Variants in PTPRG observed in about 807,000 individuals in gnomAD.
The protein encoded by PTPRG is receptor-type tyrosine-protein phosphatase gamma.
In PTPRG, 102 loss-of-function variants were observed where a neutral mutation model predicts 165.3. The observed-to-expected ratio is 0.62, with a 90% CI of 0.53 to 0.73. The LOEUF (loss-of-function observed/expected upper bound fraction) is 0.73. Ranked by LOEUF, PTPRG falls within the 30% of genes least tolerant of loss-of-function variation. PTPRG has a pLI of 0.00. For synonymous variants in PTPRG, 675 were observed against 669.5 expected (o/e 1.01, Z -0.13); for missense variants, 1,866 against 1,861.4 (o/e 1.00, Z -0.05).
intron 1 of PTPRG, among the ~76,000 whole-genome samples, chr3:61,611,139 GA>G (rs1701155876): frequency 6.6e-6 from 1 of 152,130 alleles, no homozygotes; most frequent in Admixed American, 6.5e-5. Context: ...GCAAGTTTTT[GA>G]ACAGAGATCC....
At chr3:62,276,638 G>T in intron 24 of PTPRG, 1 of 258,024 alleles carries the variant, frequency 3.9e-6, no homozygotes, top group East Asian at 8.3e-5. Flanking sequence ...GTATATGTTG[G>T]TATAATTGTA....
At chr3:61,666,132 A>G (rs901947561) in intron 1 of PTPRG, among the ~76,000 whole-genome samples, 8 of 152,190 alleles carry the variant, frequency 5.3e-5, no homozygotes, top group South Asian at 4.1e-4. Flanking sequence ...TAAAGGAGAA[A>G]GAGTTGCAGA....
chr3:61,799,154 A>G (rs768066722), intron 2 of PTPRG, among the ~76,000 whole-genome samples: 2 of 152,216 alleles, frequency 1.3e-5, no homozygotes, highest in Non-Finnish European at 2.9e-5. Context: ...TTCCAATAGT[A>G]GTATGAAATT....
chr3:61,922,904 G>T (rs1418988749), intron 2 of PTPRG, among the ~76,000 whole-genome samples: 2 of 152,214 alleles, frequency 1.3e-5, no homozygotes, highest in East Asian at 3.9e-4. Flanking sequence ...GCCTCGCAAA[G>T]TGTTGGGGTT....
intron 17 of PTPRG, among the ~76,000 whole-genome samples, chr3:62,265,894 T>TACACAC (rs1250968284): frequency 4.2e-4 from 11 of 26,476 alleles, no homozygotes; most frequent in African/African-American, 1.2e-3. Flanking sequence ...CTGTGCCTTA[T>TACACAC]ATACACACAC....
At chr3:62,251,363 T>C (rs1701413892) in intron 15 of PTPRG, among the ~76,000 whole-genome samples, 1 of 145,958 alleles carries the variant, frequency 6.9e-6, no homozygotes, top group African/African-American at 2.6e-5. Context: ...CTACAAAAAA[T>C]GTAAGCCAGG....
chr3:62,047,591 G>A (rs1429155228), intron 4 of PTPRG, among the ~76,000 whole-genome samples: 1 of 151,960 alleles, frequency 6.6e-6, no homozygotes, highest in Admixed American at 6.6e-5. Context: ...ATTGTATCCT[G>A]GAATGCCTTG....
At chr3:62,107,705 C>T (rs991986429) in intron 5 of PTPRG, among the ~76,000 whole-genome samples, 10 of 152,190 alleles carry the variant, frequency 6.6e-5, no homozygotes, top group African/African-American at 2.4e-4. Flanking sequence ...GAAAACTAAC[C>T]AGAGTCACGG....
intron 1 of PTPRG, among the ~76,000 whole-genome samples, chr3:61,682,033 C>T (rs1478688865): frequency 1.3e-5 from 2 of 151,222 alleles, no homozygotes; most frequent in Non-Finnish European, 2.9e-5. Flanking sequence ...CCTGTAATCC[C>T]AACTATATGG....
intron 2 of PTPRG, among the ~76,000 whole-genome samples, chr3:61,921,103 CTCCTTCCATCCATCTCCTTCCT>C (rs1024994151): frequency 4.1e-5 from 6 of 146,672 alleles, no homozygotes; most frequent in East Asian, 2.1e-4. Flanking sequence ...TTCCATCCAT[CTCCTTCCATCCATCTCCTTCCT>C]TCCTTCCTTC....
At chr3:61,801,845 C>T (rs974685986) in intron 2 of PTPRG, among the ~76,000 whole-genome samples, 5 of 152,086 alleles carry the variant, frequency 3.3e-5, no homozygotes, top group African/African-American at 1.2e-4. Context: ...TGGTGAAACT[C>T]CGGCTCTACT....
chr3:62,076,923 A>G (rs1008716586), intron 4 of PTPRG, among the ~76,000 whole-genome samples: 1 of 152,182 alleles, frequency 6.6e-6, no homozygotes, highest in South Asian at 2.1e-4. Context: ...TGCCAGCATT[A>G]AAGTTGTATA....
chr3:61,643,895 G>A lies in PTPRG; in HGVS notation c.85+81523G>A, dbSNP rs776521376. ...AATTGGATTCTTATAGATGAACTAG[G>A]ATACCCTTTTCATTCTGAGTTGACC... On this transcript the variant is annotated intron_variant, in intron 1 of 29. Coordinates refer to ENST00000474889, the MANE Select transcript of PTPRG (RefSeq NM_002841.4). 4.6e-5 allele frequency among the ~76,000 whole-genome samples: 7 copies of A among 152,306 alleles called. No homozygotes were observed. The East Asian group carries it at 1.3e-3, about 29-fold the overall frequency.
At chr3:61,603,130 TG>T (rs1288941471) in intron 1 of PTPRG, among the ~76,000 whole-genome samples, 1 of 152,234 alleles carries the variant, frequency 6.6e-6, no homozygotes, top group Non-Finnish European at 1.5e-5. Context: ...TCAGCCACCC[TG>T]CTGGAACTGG....
intron 2 of PTPRG, among the ~76,000 whole-genome samples, chr3:61,856,920 A>G (rs79095381): frequency 0.01 from 1,557 of 152,312 alleles, 11 homozygotes; most frequent in Non-Finnish European, 0.017. Context: ...GTACTGCTAT[A>G]TGATGTCTTG....
chr3:62,012,628 C>T lies in PTPRG; in HGVS notation c.519+9131C>T, dbSNP rs547700941. 3.9e-5 allele frequency among the ~76,000 whole-genome samples: 6 copies of T among 152,074 alleles called. No individual in the cohort carries two copies. In the East Asian group the frequency reaches 7.7e-4, roughly 20 times the overall value. ...GTTTTAAATAATTTTATGGATGAAA[C>T]AAAGTTGTGAGTGCATTTTCATTGC... is the stretch of plus-strand genomic sequence containing the variant. On this transcript the variant is annotated intron_variant, in intron 4 of 29. Coordinates refer to ENST00000474889, the MANE Select transcript of PTPRG (RefSeq NM_002841.4).
At chr3:61,625,138 C>T (rs558904436) in intron 1 of PTPRG, among the ~76,000 whole-genome samples, 28 of 151,760 alleles carry the variant, frequency 1.8e-4, no homozygotes, top group Admixed American at 4.6e-4. Flanking sequence ...CTCATTTTAA[C>T]TTGATTACCT....
rs1052034686 is a variant in PTPRG, at chr3:61,835,553, C to G, written c.190+86571C>G. Among the ~76,000 whole-genome samples, 3 of 151,824 alleles carry G rather than the reference C, an allele frequency of 2.0e-5. No homozygotes were observed. The South Asian group carries it at 6.2e-4, about 32-fold the overall frequency. ...TTCACCATGTTGGCCAGGCTGGGCT[C>G]GAACTCTTGACCTTGTGATCCAGCC... On this transcript the variant is annotated intron_variant, in intron 2 of 29. Transcript: ENST00000474889.
At chr3:62,216,483 G>A (rs1178039020) in intron 12 of PTPRG, among the ~76,000 whole-genome samples, 1 of 152,082 alleles carries the variant, frequency 6.6e-6, no homozygotes, top group Admixed American at 6.5e-5. Flanking sequence ...GTGGCCTATA[G>A]CGTCAACCCT....
Sources: gnomAD v4.1 joint callset for allele counts (sites outside exome capture counted in the v4.1 genomes callset) on GRCh38, gnomAD v4.1.1 for gene constraint, MANE v1.5 for transcripts, NCBI Gene and HGNC (gene_info 2026-07-23, HGNC 2026-07-21) for gene names.